Variants in PIK3R6 observed in about 807,000 individuals in gnomAD.
PIK3R6 encodes the protein phosphoinositide 3-kinase regulatory subunit 6.
In PIK3R6, 91 loss-of-function variants were observed where a neutral mutation model predicts 84.9. The observed-to-expected ratio is 1.07, with a 90% CI of 0.90 to 1.28. PIK3R6 has a LOEUF of 1.28. Among genes scored for constraint, PIK3R6 ranks in the 50% most tolerant of loss-of-function variants. The probability of loss-of-function intolerance (pLI) is 0.00; values close to 1 mark genes in which losing one functional copy is unlikely to be tolerated. For synonymous variants in PIK3R6, 416 were observed against 411.4 expected (o/e 1.01, Z -0.13); for missense variants, 996 against 985.1 (o/e 1.01, Z -0.15).
At chr17:8,821,609 G>A (rs561563207) in intron 17 of PIK3R6, among the ~76,000 whole-genome samples, 37 of 152,116 alleles carry the variant, frequency 2.4e-4, no homozygotes, top group African/African-American at 8.4e-4. Context: ...ACCCCTCCCC[G>A]GAGTCCCTCC....
At chr17:8,838,786 A>G in intron 3 of PIK3R6, 131 bp from the exon 4 acceptor site, 1 of 794,950 alleles carries the variant, frequency 1.3e-6, no homozygotes, top group Non-Finnish European at 2.0e-6. Context: ...CCCCGCCACC[A>G]GCGCTTGGCT....
At chr17:8,837,279 C>T (rs1422173009) in intron 5 of PIK3R6, among the ~76,000 whole-genome samples, 3 of 152,162 alleles carry the variant, frequency 2.0e-5, no homozygotes, top group Non-Finnish European at 4.4e-5. Flanking sequence ...TCCTCAGTCT[C>T]CTTTGCTCCT....
intron 9 of PIK3R6, among the ~76,000 whole-genome samples, chr17:8,830,764 C>T (rs1314533251): frequency 6.6e-6 from 1 of 152,206 alleles, no homozygotes; most frequent in African/African-American, 2.4e-5. Flanking sequence ...CCTGCTCTTA[C>T]CCACAACACT....
At chr17:8,830,334 C>A (rs1292738151) in intron 9 of PIK3R6, among the ~76,000 whole-genome samples, 1 of 152,240 alleles carries the variant, frequency 6.6e-6, no homozygotes. Flanking sequence ...GACAGCCCTT[C>A]TTCCTGCTTC....
intron 10 of PIK3R6, 85 bp downstream of exon 10, chr17:8,829,621 T>TCCACACA: frequency 7.6e-7 from 1 of 1,317,348 alleles, no homozygotes; most frequent in Admixed American, 2.2e-5. Flanking sequence ...GACACACGCA[T>TCCACACA]GCACACTGAC....
chr17:8,819,132 T>G lies in PIK3R6; in HGVS notation c.1946A>C (p.Asn649Thr), dbSNP rs181404404. 14 of 1,610,420 alleles carry G rather than the reference T, an allele frequency of 8.7e-6. No homozygotes were observed. The highest frequency in any genetic ancestry group is 1.1e-5 in the Non-Finnish European group (13 of 1,178,494). ...PVTDHTCLNV[N>T]VTEVVKSSNL... is the part of the protein sequence containing the mutation. ...GGAGGACTTGACAACCTCTGTCACG[T>G]TGACATTCAGACATGTGTGGTCTGT... is the stretch of plus-strand genomic sequence containing the variant. The change falls in exon 18 of 20, where the codon AAC (asparagine) becomes ACC (threonine). Residue 649 changes from asparagine (N) to threonine (T), a missense_variant. By Grantham distance (65) the Asn-to-Thr change is moderately conservative. Coordinates refer to ENST00000619866, the MANE Select transcript of PIK3R6 (RefSeq NM_001010855.4).
rs767291689 is a variant in PIK3R6, at chr17:8,836,824, C to T, written c.358G>A (p.Ala120Thr). 1.9e-5 allele frequency: 30 copies of T among 1,603,042 alleles called. 2 individuals are homozygous for T. The highest frequency in any genetic ancestry group is 1.1e-4 in the South Asian group (10 of 88,982). ...GCCATCTCCGTTTTCAGCCTTATCG[C>T]GCAGTCCAAGGCGACTGTGCAGTAG... ...TPYCTVALDC[A>T]IRLKTEMAVP... The change falls in exon 6 of 20, where the codon GCG becomes ACG. Residue 120 changes from alanine to threonine, a missense_variant. Physicochemically the swap from Ala to Thr is moderately conservative, Grantham distance 58. Coordinates refer to ENST00000619866, the MANE Select transcript of PIK3R6 (RefSeq NM_001010855.4).
chr17:8,829,528 T>G (rs890875338), intron 10 of PIK3R6, among the ~76,000 whole-genome samples, 178 bp downstream of exon 10: 4 of 47,874 alleles, frequency 8.4e-5, no homozygotes, highest in African/African-American at 3.1e-4. Flanking sequence ...ACACACACAC[T>G]GACACACGCA....
At chr17:8,846,978 G>C (rs1019238046) in intron 2 of PIK3R6, among the ~76,000 whole-genome samples, 1 of 152,166 alleles carries the variant, frequency 6.6e-6, no homozygotes, top group Non-Finnish European at 1.5e-5. Context: ...CCTGCTTGAA[G>C]CCCAAATTGG....
At chr17:8,836,234 C>T (rs1032248546) in intron 7 of PIK3R6, among the ~76,000 whole-genome samples, 1 of 152,166 alleles carries the variant, frequency 6.6e-6, no homozygotes, top group Non-Finnish European at 1.5e-5. Context: ...TGGCCAAGGG[C>T]AGGATGGAGG....
At chr17:8,854,210 G>A (rs187149683) in intron 1 of PIK3R6, among the ~76,000 whole-genome samples, 127 of 151,884 alleles carry the variant, frequency 8.4e-4, no homozygotes, top group African/African-American at 2.9e-3. Flanking sequence ...AGTGCGATGC[G>A]TGATCTTGGC....
intron 15 of PIK3R6, 106 bp from the exon 16 acceptor site, chr17:8,822,763 A>G: frequency 8.2e-7 from 1 of 1,225,860 alleles, no homozygotes; most frequent in Non-Finnish European, 1.2e-6. Flanking sequence ...TTACCCATCC[A>G]TCCATCTCCC....
At position 8,839,702 on chromosome 17, in the gene PIK3R6, G is replaced by A; in HGVS notation, c.14-5C>T. On this transcript the variant is annotated splice_region_variant and splice_polypyrimidine_tract_variant and intron_variant, in intron 2 of 19. Coordinates refer to ENST00000619866, the MANE Select transcript of PIK3R6 (RefSeq NM_001010855.4). The surrounding 1 kb of genome is among the most constrained non-coding windows in gnomAD (Gnocchi z 4.2). ...TCTGGAGGTCCAGCTCCACATCTGGGCAGTGGTAGGGGTGGGAGGAAACTC... is the reference window on the plus strand; with the variant it reads ...TCTGGAGGTCCAGCTCCACATCTGGACAGTGGTAGGGGTGGGAGGAAACTC... 6.4e-7 allele frequency: 1 copy of A among 1,565,822 alleles called. No individual in the cohort carries two copies. Among genetic ancestry groups the A allele is most frequent in the Non-Finnish European group, 8.7e-7 (1 of 1,154,548 alleles).
At chr17:8,815,131 C>T (rs1321444493) in intron 18 of PIK3R6, among the ~76,000 whole-genome samples, 1 of 152,142 alleles carries the variant, frequency 6.6e-6, no homozygotes, top group Non-Finnish European at 1.5e-5. Context: ...TTGTAGACTA[C>T]AGTAATATAA....
chr17:8,839,811 G>A lies in PIK3R6; in HGVS notation c.14-114C>T, dbSNP rs2088613914. 2.4e-6 allele frequency: 2 copies of A among 828,444 alleles called. No individual in the cohort carries two copies. The highest frequency in any genetic ancestry group is 1.9e-5 in the South Asian group (1 of 53,138). The allele number at this position is 828,444 out of a possible 1,614,324, so 51.3% of individuals were successfully genotyped here. On this transcript the variant is annotated intron_variant, in intron 2 of 19. Transcript: ENST00000619866. This position sits in a 1 kb window ranked among gnomAD's most constrained non-coding sequence, Gnocchi z 4.2. ...TTTCTCTGAGCCTCAGGAGGTGCCC[G>A]AAGTAATCGACTTAGAGCTGGCAGC...
intron 14 of PIK3R6, 40 bp downstream of exon 14, chr17:8,823,347 G>T (rs2087804860): frequency 1.4e-6 from 2 of 1,422,766 alleles, no homozygotes; most frequent in African/African-American, 2.8e-5. Flanking sequence ...TTAATCGGTG[G>T]GGTCCTGGGG....
At chr17:8,836,971 AGAGGGAG>A in intron 5 of PIK3R6, 48 bp from the exon 6 acceptor site, 1 of 842,828 alleles carries the variant, frequency 1.2e-6, no homozygotes, top group Non-Finnish European at 1.7e-6. Context: ...GGTGGAGGTA[AGAGGGAG>A]GAGGGGGAGG....
intron 1 of PIK3R6, among the ~76,000 whole-genome samples, chr17:8,856,447 C>T (rs952424335): frequency 6.6e-6 from 1 of 152,114 alleles, no homozygotes; most frequent in African/African-American, 2.4e-5. Flanking sequence ...AATAAAAATA[C>T]AAAAATTAGC....
rs1204034421 is a variant in PIK3R6 at position 8,828,689 on chromosome 17, T to C, written c.1191A>G (p.Thr397=). The change falls in exon 11 of 20, where the codon ACA becomes ACG. Residue 397 remains threonine, a synonymous_variant. Transcript: ENST00000619866. ...WDGPPGLHRR[T]GRPSGDGEML... ...TTTCCCCATCCCCACTGGGCCGGCC[T>C]GTCCTCCGGTGCAGCCCTGGGGGCC... The C allele has an allele frequency of 5.0e-6, 8 of 1,611,352 alleles. No homozygotes were observed. Among genetic ancestry groups the C allele is most frequent in the Non-Finnish European group, 6.8e-6 (8 of 1,178,994 alleles).
Sources: gnomAD v4.1 joint callset for allele counts (sites outside exome capture counted in the v4.1 genomes callset) on GRCh38, gnomAD v4.1.1 for gene constraint, Gnocchi (gnomAD v3.1) non-coding constraint, MANE v1.5 for transcripts, NCBI Gene and HGNC (gene_info 2026-07-23, HGNC 2026-07-21) for gene names.